Variants in NT5C1B observed in about 807,000 individuals in gnomAD.
NT5C1B encodes cytosolic 5'-nucleotidase 1B.
A neutral mutation model predicts 57.8 loss-of-function variants in NT5C1B; 44 were observed. The ratio of observed to expected loss-of-function variants is 0.76; its 90% confidence interval spans 0.60 to 0.98. The LOEUF (loss-of-function observed/expected upper bound fraction) is 0.98, where lower values mean the gene tolerates loss of function less well. Ranked by LOEUF, NT5C1B falls within the 50% of genes least tolerant of loss-of-function variation. NT5C1B has a pLI of 0.00. For synonymous variants in NT5C1B, 284 were observed against 282.6 expected, an observed-to-expected ratio of 1.00 and a Z score of -0.05; for missense variants, 742 against 719.5, an observed-to-expected ratio of 1.03 and a Z score of -0.36.
At position 18,576,890 on chromosome 2, in the gene NT5C1B, G is replaced by C. The variant is rs150673884; in HGVS notation, c.1027C>G (p.Leu343Val). 325 of 1,613,740 alleles carry C rather than the reference G, an allele frequency of 2.0e-4. 3 individuals carry two copies. The African/African-American group carries it at 3.9e-3, about 20-fold the overall frequency. Reference sequence around the variant, plus strand: ...CCGGTCAGACAGAAGCGGTCAATCAGTAAGCCTATTATCAGGCAAGAAAGA... The same window carrying C: ...CCGGTCAGACAGAAGCGGTCAATCACTAAGCCTATTATCAGGCAAGAAAGA... The change falls in exon 7 of 9, where the codon CTG (leucine) becomes GTG (valine). Residue 343 changes from leucine (L) to valine (V), a missense_variant. Coordinates refer to ENST00000304081, the Ensembl canonical transcript of NT5C1B.
chr2:18,583,116 A>C, intron 5 of NT5C1B, 119 bp from the exon 6 acceptor site: 1 of 1,348,354 alleles, frequency 7.4e-7, no homozygotes, highest in Non-Finnish European at 9.8e-7. Context: ...TCACTGAGAG[A>C]TTCTGGCTCC....
rs79501117 is a variant in NT5C1B, at chr2:18,563,821, C to A, written c.1628G>T (p.Gly543Val). The stretch of plus-strand genomic sequence containing the variant: ...CTAACTACTGAATTTTTTATTAAAG[C>A]CATAAGCTGCGATGGAACCTAACCT... Residue 543 changes from glycine to valine, a missense_variant, in exon 9 of 9, where the codon GGC becomes GTC. By Grantham distance (109) the Gly-to-Val change is moderately radical. Coordinates refer to ENST00000304081, the Ensembl canonical transcript of NT5C1B. 213 of 1,578,180 alleles carry A rather than the reference C, an allele frequency of 1.3e-4. No individual in the cohort carries two copies. The highest frequency in any genetic ancestry group is 1.6e-4 in the Admixed American group (9 of 55,316).
At chr2:18,587,411 G>T in intron 2 of NT5C1B, 92 bp downstream of exon 2, 1 of 1,563,442 alleles carries the variant, frequency 6.4e-7, no homozygotes, top group South Asian at 1.2e-5. Flanking sequence ...CAACAGCTTG[G>T]TCTTCTCTCC....
chr2:18,587,621 A>C, intron 1 of NT5C1B, 29 bp from the exon 2 acceptor site: 1 of 1,599,598 alleles, frequency 6.3e-7, no homozygotes, highest in East Asian at 2.2e-5. Flanking sequence ...AATGTTTATT[A>C]ATTTTTAATC....
chr2:18,570,400 T>C (rs559612828), intron 8 of NT5C1B, among the ~76,000 whole-genome samples: 17 of 152,040 alleles, frequency 1.1e-4, no homozygotes, highest in Non-Finnish European at 1.2e-4. Context: ...GAAATAAAAG[T>C]GGGGACACAT....
At chr2:18,568,788 C>T (rs1458239230) in intron 8 of NT5C1B, among the ~76,000 whole-genome samples, 3 of 152,078 alleles carry the variant, frequency 2.0e-5, no homozygotes, top group South Asian at 2.1e-4. Context: ...AACTCAAACC[C>T]GCTTGGAGTC....
In NT5C1B at chr2:18,584,979, C is replaced by G. The variant is rs769906477; in HGVS notation, c.259-1G>C. ...GGGAGCTCGTGGAGCTGCTGGGGAGCTGCAGCAAGACAATGGGCGTCTGAA... is the reference window on the plus strand; with the variant it reads ...GGGAGCTCGTGGAGCTGCTGGGGAGGTGCAGCAAGACAATGGGCGTCTGAA... On this transcript the variant is annotated splice_acceptor_variant, in intron 3 of 8. Transcript: ENST00000304081. LOFTEE classifies it high-confidence loss of function. This position sits in a 1 kb window ranked among gnomAD's most constrained non-coding sequence, Gnocchi z 5.8. 2 of 1,553,646 alleles carry G rather than the reference C, an allele frequency of 1.3e-6. No individual in the cohort carries two copies. The highest frequency in any genetic ancestry group is 4.5e-5 in the East Asian group (2 of 44,436).
chr2:18,563,769 T>A (rs183686876), exon 9 of NT5C1B: 1 of 1,495,286 alleles, frequency 6.7e-7, no homozygotes, highest in Non-Finnish European at 8.9e-7. Context: ...CACCAGACTA[T>A]CACCACTTTA....
intron 6 of NT5C1B, among the ~76,000 whole-genome samples, chr2:18,579,279 G>T (rs1665973010): frequency 6.6e-6 from 1 of 152,062 alleles, no homozygotes; most frequent in Non-Finnish European, 1.5e-5. Flanking sequence ...CACAGAATTA[G>T]AAAAAACTAT....
intron 8 of NT5C1B, among the ~76,000 whole-genome samples, chr2:18,569,090 C>G (rs1477716385): frequency 6.6e-6 from 1 of 152,112 alleles, no homozygotes; most frequent in Non-Finnish European, 1.5e-5. Flanking sequence ...ACAACTGTAG[C>G]ACAAAACATG....
chr2:18,565,303 T>G (rs1015916443), intron 8 of NT5C1B, among the ~76,000 whole-genome samples: 1 of 152,220 alleles, frequency 6.6e-6, no homozygotes, highest in Non-Finnish European at 1.5e-5. Flanking sequence ...TGACCATTTG[T>G]GCCTTTGTGC....
intron 8 of NT5C1B, among the ~76,000 whole-genome samples, chr2:18,570,189 A>T (rs1665023083): frequency 6.6e-6 from 1 of 152,030 alleles, no homozygotes; most frequent in Non-Finnish European, 1.5e-5. Flanking sequence ...AATTTGTGGG[A>T]TGCAACTACA....
chr2:18,567,437 TC>T (rs1382647106), intron 8 of NT5C1B, among the ~76,000 whole-genome samples: 1 of 152,100 alleles, frequency 6.6e-6, no homozygotes, highest in Admixed American at 6.5e-5. Flanking sequence ...AGGATGTTCA[TC>T]CCTAAGCCCT....
intron 5 of NT5C1B, chr2:18,583,757 C>T: frequency 2.1e-6 from 1 of 485,008 alleles, no homozygotes; most frequent in South Asian, 1.6e-5. Flanking sequence ...TGTAATATGG[C>T]GTTTTATTTC....
At chr2:18,585,239 G>A in intron 3 of NT5C1B, 1 of 738,614 alleles carries the variant, frequency 1.4e-6, no homozygotes. Context: ...GTTTGGAGTA[G>A]ATAGGACCCA....
At chr2:18,586,109 CG>C in intron 3 of NT5C1B, 144 bp downstream of exon 3, 1 of 1,266,298 alleles carries the variant, frequency 7.9e-7, no homozygotes, top group East Asian at 2.6e-5. Flanking sequence ...ATGGGATTTA[CG>C]GGCAGAAGGG....
At chr2:18,570,201 C>G (rs148366541) in intron 8 of NT5C1B, among the ~76,000 whole-genome samples, 1 of 151,678 alleles carries the variant, frequency 6.6e-6, no homozygotes, top group African/African-American at 2.4e-5. Context: ...GCAACTACAG[C>G]GGTGTTTAGA....
chr2:18,571,786 A>G (rs1389870295), intron 8 of NT5C1B, among the ~76,000 whole-genome samples: 2 of 132,390 alleles, frequency 1.5e-5, no homozygotes, highest in East Asian at 4.2e-4. Context: ...ACAAAGTTGA[A>G]GTATTCACAC....
chr2:18,572,227 T>A (rs1665272217), intron 8 of NT5C1B, among the ~76,000 whole-genome samples: 1 of 151,826 alleles, frequency 6.6e-6, no homozygotes, highest in Admixed American at 6.6e-5. Context: ...AATTAAGATA[T>A]CCAGGAAATT....
Sources: gnomAD v4.1 joint callset for allele counts (sites outside exome capture counted in the v4.1 genomes callset) on GRCh38, gnomAD v4.1.1 for gene constraint, Gnocchi (gnomAD v3.1) non-coding constraint, MANE v1.5 for transcripts, NCBI Gene and HGNC (gene_info 2026-07-23, HGNC 2026-07-21) for gene names.